Variants in RBFOX1 observed in about 807,000 individuals in gnomAD.
The protein encoded by RBFOX1 is RNA binding fox-1 homolog 1, also known as RNA binding protein fox-1 homolog 1.
RBFOX1 carries 8 observed loss-of-function variants against 57.7 expected under a neutral mutation model. The ratio of observed to expected loss-of-function variants is 0.14; its 90% CI spans 0.08 to 0.25. The LOEUF is 0.25. Ranked by LOEUF, RBFOX1 falls within the 10% of genes least tolerant of loss-of-function variation. The pLI, the probability that RBFOX1 is intolerant of heterozygous loss-of-function variation, is 1.00. For synonymous variants in RBFOX1, 326 were observed against 222.4 expected (o/e 1.47, Z -4.15); for missense variants, 611 against 548.5 (o/e 1.11, Z -1.14).
chr16:6,843,062 T>C (rs1342202570), intron 3 of RBFOX1, among the ~76,000 whole-genome samples: 1 of 152,158 alleles, frequency 6.6e-6, no homozygotes, highest in Non-Finnish European at 1.5e-5. Flanking sequence ...TTCTTTATCC[T>C]TGATGGGCAT....
chr16:6,907,887 G>C (rs1243156684), intron 3 of RBFOX1, among the ~76,000 whole-genome samples: 2 of 151,642 alleles, frequency 1.3e-5, no homozygotes, highest in African/African-American at 4.8e-5. Context: ...TTCTGTGGTT[G>C]GCTGGCAGTC....
intron 4 of RBFOX1, among the ~76,000 whole-genome samples, chr16:7,150,811 G>A (rs2152280647): frequency 6.6e-6 from 1 of 152,310 alleles, no homozygotes; most frequent in Admixed American, 6.5e-5. Context: ...TCAATCTATT[G>A]ATGCTTGTTA....
chr16:6,645,513 G>C (rs549405422), intron 2 of RBFOX1, among the ~76,000 whole-genome samples: 1 of 152,096 alleles, frequency 6.6e-6, no homozygotes, highest in East Asian at 1.9e-4. Context: ...GAATAACCCT[G>C]ACCTACAAAA....
At chr16:6,098,318 G>T (rs984208189) in intron 1 of RBFOX1, among the ~76,000 whole-genome samples, 1 of 152,136 alleles carries the variant, frequency 6.6e-6, no homozygotes, top group Admixed American at 6.5e-5. Context: ...GAATAGAAAC[G>T]CCACCGCCTG....
intron 4 of RBFOX1, among the ~76,000 whole-genome samples, chr16:5,966,268 C>G (rs2059841633): frequency 6.6e-6 from 1 of 152,018 alleles, no homozygotes; most frequent in Non-Finnish European, 1.5e-5. Context: ...ATACCTGAGA[C>G]TGGGTAAAGT....
chr16:6,713,889 G>C (rs1270906659), intron 3 of RBFOX1, among the ~76,000 whole-genome samples: 1 of 152,154 alleles, frequency 6.6e-6, no homozygotes, highest in African/African-American at 2.4e-5. Flanking sequence ...TGGAGAATTT[G>C]GACAGGAAGA....
intron 2 of RBFOX1, among the ~76,000 whole-genome samples, chr16:5,472,413 A>G (rs2069170157): frequency 6.6e-6 from 1 of 152,144 alleles, no homozygotes; most frequent in Non-Finnish European, 1.5e-5. Flanking sequence ...GGGGATCCTC[A>G]GGGTTAGATA....
intron 1 of RBFOX1, among the ~76,000 whole-genome samples, chr16:6,152,665 C>G (rs1362319881): frequency 6.7e-6 from 1 of 148,986 alleles, no homozygotes; most frequent in Non-Finnish European, 1.5e-5. Context: ...GCAATGTATG[C>G]TATCTATGGC....
intron 1 of RBFOX1, among the ~76,000 whole-genome samples, chr16:6,111,484 C>T (rs1262174779): frequency 1.3e-5 from 2 of 152,202 alleles, no homozygotes; most frequent in African/African-American, 2.4e-5. Context: ...TCTACTTCCA[C>T]CCACTTTGTC....
At chr16:7,015,472 C>T (rs1463570146) in intron 3 of RBFOX1, among the ~76,000 whole-genome samples, 2 of 152,128 alleles carry the variant, frequency 1.3e-5, no homozygotes, top group Admixed American at 6.5e-5. Context: ...TTTTGCTCAT[C>T]AGTGTTCAGA....
chr16:6,449,798 C>T (rs1478933519), intron 2 of RBFOX1, among the ~76,000 whole-genome samples: 1 of 152,194 alleles, frequency 6.6e-6, no homozygotes, highest in Non-Finnish European at 1.5e-5. Flanking sequence ...AGCCTCCCAT[C>T]AGGTTCTTGC....
At chr16:5,543,295 G>C (rs910519223) in intron 2 of RBFOX1, among the ~76,000 whole-genome samples, 2 of 152,136 alleles carry the variant, frequency 1.3e-5, no homozygotes, top group African/African-American at 4.8e-5. Flanking sequence ...AATTAGCAGA[G>C]AGGGACGTGT....
chr16:7,070,356 T>C (rs1434245260), intron 4 of RBFOX1, among the ~76,000 whole-genome samples: 1 of 152,206 alleles, frequency 6.6e-6, no homozygotes, highest in African/African-American at 2.4e-5. Context: ...AGGCATGATT[T>C]TGGAAAACTT....
intron 1 of RBFOX1, among the ~76,000 whole-genome samples, chr16:5,388,647 G>C (rs1020764798): frequency 1.3e-5 from 2 of 152,016 alleles, no homozygotes; most frequent in African/African-American, 4.8e-5. Context: ...TATGATCTCA[G>C]CTCACTGCAA....
intron 3 of RBFOX1, among the ~76,000 whole-genome samples, chr16:6,757,130 T>C (rs1056292375): frequency 2.0e-5 from 3 of 152,066 alleles, no homozygotes; most frequent in Non-Finnish European, 4.4e-5. Flanking sequence ...ACGACTATTA[T>C]CAAAAAGATA....
intron 3 of RBFOX1, among the ~76,000 whole-genome samples, chr16:5,764,102 A>C (rs1206047518): frequency 6.6e-6 from 1 of 152,204 alleles, no homozygotes; most frequent in African/African-American, 2.4e-5. Context: ...ATAAGAGAGA[A>C]GGCTGTGAAA....
chr16:6,934,756 CAG>C (rs1490569723), intron 3 of RBFOX1, among the ~76,000 whole-genome samples: 3 of 151,966 alleles, frequency 2.0e-5, no homozygotes, highest in African/African-American at 4.8e-5. Flanking sequence ...TGGAGGATCT[CAG>C]AGGGAAAGGG....
chr16:7,042,613 T>C (rs1047134104), intron 3 of RBFOX1, among the ~76,000 whole-genome samples: 2 of 152,212 alleles, frequency 1.3e-5, no homozygotes, highest in Non-Finnish European at 2.9e-5. Flanking sequence ...CGAATGTTAG[T>C]GTGCAATTTA....
intron 3 of RBFOX1, among the ~76,000 whole-genome samples, chr16:5,762,796 G>T (rs1214730940): frequency 6.6e-6 from 1 of 152,242 alleles, no homozygotes; most frequent in South Asian, 2.1e-4. Flanking sequence ...ATTTACATAG[G>T]TCTGGGAAGA....
Sources: gnomAD v4.1 joint callset for allele counts (sites outside exome capture counted in the v4.1 genomes callset) on GRCh38, gnomAD v4.1.1 for gene constraint, MANE v1.5 for transcripts, NCBI Gene and HGNC (gene_info 2026-07-23, HGNC 2026-07-21) for gene names.